Variants in FAM167A observed in about 807,000 individuals in gnomAD.
FAM167A encodes family with sequence similarity 167 member A.
Under a neutral mutation model 14.9 loss-of-function variants are expected in FAM167A, and 23 were observed. The observed-to-expected ratio is 1.55, with a 90% CI of 1.11 to 2.19. The LOEUF is 2.19. FAM167A is among the 30% of genes most tolerant of loss of function. The probability of loss-of-function intolerance (pLI) is 0.00; values close to 1 mark genes in which losing one functional copy is unlikely to be tolerated. For synonymous variants in FAM167A, 174 were observed against 117.7 expected (o/e 1.48, Z -3.10); for missense variants, 401 against 281.5 (o/e 1.42, Z -3.04).
At chr8:11,467,810 T>C (rs2117166094), upstream of FAM167A, among the ~76,000 whole-genome samples, 1 of 152,330 alleles carries the variant, frequency 6.6e-6, no homozygotes, top group Middle Eastern at 3.4e-3. Flanking sequence ...ACCTACTCCC[T>C]TCCTTTCTGA....
In FAM167A at chr8:11,460,472, G is replaced by A. The variant is rs116715495; in HGVS notation, c.-398+6154C>T. Among the ~76,000 whole-genome samples, 1,017 of 152,260 alleles carry A rather than the reference G, an allele frequency of 6.7e-3. 10 individuals are homozygous for A. The highest frequency in any genetic ancestry group is 0.023 in the African/African-American group (960 of 41,532). On this transcript the variant is annotated intron_variant, in intron 1 of 2. Transcript: ENST00000284486. ...CACCATGTCATGGAGCCACCCCCAC[G>A]GGGCCAGGGAGTAGAGGCGCCGACT...
At chr8:11,452,812 T>C (rs1807076265) in intron 1 of FAM167A, among the ~76,000 whole-genome samples, 1 of 152,156 alleles carries the variant, frequency 6.6e-6, no homozygotes, top group Non-Finnish European at 1.5e-5. Context: ...TGCAGGCACG[T>C]TCCCCAGTGC....
intron 1 of FAM167A, chr8:11,446,301 C>G (rs936046850): frequency 5.3e-5 from 8 of 152,254 alleles, no homozygotes; most frequent in African/African-American, 1.9e-4. Flanking sequence ...GCTGCCCGAC[C>G]TCTGCCGCCC....
upstream of FAM167A, among the ~76,000 whole-genome samples, chr8:11,467,964 C>A (rs1010923992): frequency 1.8e-4 from 27 of 152,224 alleles, no homozygotes; most frequent in African/African-American, 6.3e-4. Flanking sequence ...TGATCCAGAT[C>A]TTCTGATTCC....
chr8:11,436,289 C>T (rs149970382), intron 2 of FAM167A, among the ~76,000 whole-genome samples: 3 of 152,240 alleles, frequency 2.0e-5, no homozygotes, highest in African/African-American at 7.2e-5. Flanking sequence ...AGGCCCGCCA[C>T]TAGGGGCCAA....
chr8:11,466,244 G>A (rs188175337), intron 1 of FAM167A, among the ~76,000 whole-genome samples: 1 of 152,346 alleles, frequency 6.6e-6, no homozygotes, highest in Admixed American at 6.5e-5. Context: ...ATACACAGGA[G>A]CCAGGCTGGG....
chr8:11,427,448 G>C (rs998912977), intron 2 of FAM167A, among the ~76,000 whole-genome samples: 11 of 152,370 alleles, frequency 7.2e-5, no homozygotes, highest in African/African-American at 2.6e-4. Context: ...CCACTTGTAA[G>C]TGGTTATTTA....
chr8:11,471,326 A>G (rs2736326), upstream of FAM167A, among the ~76,000 whole-genome samples: 131,404 of 152,152 alleles, frequency 0.86, 56,953 homozygotes, highest in East Asian at 0.99. Context: ...GCAAAGGCAG[A>G]GGATGAGGAA....
chr8:11,450,050 T>C (rs1319808460), intron 1 of FAM167A, among the ~76,000 whole-genome samples: 1 of 152,208 alleles, frequency 6.6e-6, no homozygotes, highest in Non-Finnish European at 1.5e-5. Context: ...TAGAACCCTT[T>C]CGTTTCTTCT....
At chr8:11,461,020 T>C (rs1807516158) in intron 1 of FAM167A, among the ~76,000 whole-genome samples, 1 of 152,228 alleles carries the variant, frequency 6.6e-6, no homozygotes, top group Non-Finnish European at 1.5e-5. Context: ...TTCCTTTTCA[T>C]TTAGCCCGGT....
chr8:11,472,694 G>T (rs890537012), intron 1 of FAM167A, among the ~76,000 whole-genome samples: 1 of 152,150 alleles, frequency 6.6e-6, no homozygotes, highest in African/African-American at 2.4e-5. Flanking sequence ...GTAATGGAAA[G>T]AGCCCTGAGT....
At chr8:11,456,392 T>TGAGTGTCA (rs143216488) in intron 1 of FAM167A, among the ~76,000 whole-genome samples, 1 of 120,496 alleles carries the variant, frequency 8.3e-6, no homozygotes, top group African/African-American at 3.3e-5. Flanking sequence ...GCCTGGTGTG[T>TGAGTGTCA]GTGTGAGTGT....
chr8:11,421,988 C>A lies in FAM167A; in HGVS notation c.*2385G>T, dbSNP rs979874954. On this transcript the variant is annotated 3_prime_UTR_variant, in exon 3 of 3. Coordinates refer to ENST00000284486, the MANE Select transcript of FAM167A (RefSeq NM_053279.3). ...GACGATGTTTAGAAAACATCGCTGT[C>A]CCCCTCCACTTCTCATCTTGGGTCA... 5.0e-6 allele frequency: 2 copies of A among 396,282 alleles called. No individual in the cohort carries two copies. Among genetic ancestry groups the A allele is most frequent in the African/African-American group, 4.1e-5 (2 of 48,582 alleles). 24.5% of individuals were successfully genotyped at this position (396,282 alleles called of 1,614,324 possible).
At chr8:11,471,799 C>G (rs1164753741), upstream of FAM167A, among the ~76,000 whole-genome samples, 3 of 152,156 alleles carry the variant, frequency 2.0e-5, no homozygotes, top group Non-Finnish European at 2.9e-5. Context: ...ATCTCCTGCT[C>G]AGATGGGCCA....
At position 11,421,999 on chromosome 8, in the gene FAM167A, TCTC is replaced by T. The variant is rs1024869888; in HGVS notation, c.*2371_*2373del. 21 of 395,928 alleles carry T rather than the reference TCTC, an allele frequency of 5.3e-5. No individual in the cohort carries two copies. Among genetic ancestry groups the T allele is most frequent in the African/African-American group, 4.1e-4 (20 of 48,572 alleles). 24.5% of individuals were successfully genotyped at this position (395,928 alleles called of 1,614,324 possible). A position where few individuals can be genotyped will look rare whatever the true frequency, so the allele number is the denominator to read the frequency against. Reference sequence around the variant, plus strand: ...GAAAACATCGCTGTCCCCCTCCACTTCTCATCTTGGGTCACCTCCTCATCCCAT... The same window carrying T: ...GAAAACATCGCTGTCCCCCTCCACTTATCTTGGGTCACCTCCTCATCCCAT... On this transcript the variant is annotated 3_prime_UTR_variant, in exon 3 of 3. Coordinates refer to ENST00000284486, the MANE Select transcript of FAM167A (RefSeq NM_053279.3).
intron 2 of FAM167A, among the ~76,000 whole-genome samples, chr8:11,433,064 G>A (rs907358650): frequency 2.0e-5 from 3 of 152,110 alleles, no homozygotes; most frequent in Non-Finnish European, 2.9e-5. Flanking sequence ...GGGCCTGTTG[G>A]GGGGTAGGGA....
chr8:11,427,256 A>C (rs939515561), intron 2 of FAM167A, among the ~76,000 whole-genome samples: 1 of 152,152 alleles, frequency 6.6e-6, no homozygotes, highest in Non-Finnish European at 1.5e-5. Flanking sequence ...GTCTGGCTCC[A>C]TATTTTACCA....
At chr8:11,466,457 G>T (rs1460615448) in intron 1 of FAM167A, among the ~76,000 whole-genome samples, 169 bp downstream of exon 1, 1 of 146,838 alleles carries the variant, frequency 6.8e-6, no homozygotes, top group African/African-American at 2.7e-5. Context: ...GCCTCTCCCG[G>T]GGGGGCGGTA....
intron 1 of FAM167A, among the ~76,000 whole-genome samples, chr8:11,475,792 C>G (rs1797857739): frequency 6.6e-6 from 1 of 152,176 alleles, no homozygotes; most frequent in Non-Finnish European, 1.5e-5. Context: ...TCTATGTCCC[C>G]TCCCCCAACT....
Sources: allele counts gnomAD v4.1 joint callset (sites outside exome capture counted in the v4.1 genomes callset), GRCh38; gene constraint gnomAD v4.1.1; transcripts MANE v1.5; gene names NCBI Gene and HGNC (gene_info 2026-07-23, HGNC 2026-07-21).